Variants in DGAT2L6 observed in about 807,000 individuals in gnomAD.
The protein encoded by DGAT2L6 is diacylglycerol O-acyltransferase 2 like 6, also known as diacylglycerol O-acyltransferase 2-like protein 6.
A neutral mutation model predicts 25.5 loss-of-function variants in DGAT2L6; 22 were observed. The ratio of observed to expected loss-of-function variants is 0.86; its 90% CI spans 0.62 to 1.23. The LOEUF is 1.23. Among genes scored for constraint, DGAT2L6 ranks in the 50% most tolerant of loss-of-function variants. DGAT2L6 has a pLI of 0.00. For missense variants in DGAT2L6, 287 were observed against 253.2 expected (o/e 1.13, Z -0.91); for synonymous variants, 100 against 94.7 (o/e 1.06, Z -0.32).
At chrX:70,177,766 C>A in intron 1 of DGAT2L6, 99 bp downstream of exon 1, 1 of 731,187 alleles carries the variant, frequency 1.4e-6, no homozygotes, top group Non-Finnish European at 2.1e-6. Context: ...TCTGGGTGAT[C>A]TCCACCCTCT....
At chrX:70,197,924 G>A (rs903010063) in intron 1 of DGAT2L6, among the ~76,000 whole-genome samples, 11 of 111,790 alleles carry the variant, frequency 9.8e-5, no homozygotes, top group African/African-American at 3.6e-4. Context: ...CAACTATCTC[G>A]ACCAGTGCTT....
At chrX:70,189,088 T>C (rs1287996589) in intron 1 of DGAT2L6, among the ~76,000 whole-genome samples, 1 of 110,084 alleles carries the variant, frequency 9.1e-6, no homozygotes, top group Non-Finnish European at 1.9e-5. Flanking sequence ...TCACCACTTG[T>C]ATTCAACGGT....
Position 70,199,287 on chromosome X carries a change from C to T in DGAT2L6, c.102C>T (p.Leu34=). The T allele has an allele frequency of 8.4e-7, 1 of 1,186,570 alleles. No homozygotes were observed. Among genetic ancestry groups the T allele is most frequent in the Non-Finnish European group, 1.1e-6 (1 of 880,775 alleles). The stretch of plus-strand genomic sequence containing the variant: ...TCTCCCCAGGAGCTATTCCCATTCT[C>T]CTTATACCCTACTTTCTGTTATTCA... The part of the protein sequence containing the change: ...VYIFLGAIPI[L]LIPYFLLFSK... Residue 34 remains leucine (L), a synonymous_variant, in exon 2 of 7, where the codon CTC becomes CTT. Transcript: ENST00000333026.
chrX:70,202,119 C>T (rs1318742451), intron 5 of DGAT2L6, 55 bp downstream of exon 5: 6 of 1,047,611 alleles, frequency 5.7e-6, no homozygotes, highest in Non-Finnish European at 7.5e-6. Context: ...CCCTCTGTAG[C>T]CCTCTCCAGA....
chrX:70,199,100 C>T (rs1318142646), intron 1 of DGAT2L6, among the ~76,000 whole-genome samples, 171 bp from the exon 2 acceptor site: 1 of 111,563 alleles, frequency 9.0e-6, no homozygotes, highest in Non-Finnish European at 1.9e-5. Flanking sequence ...CCTGCCTAGA[C>T]CACAGCAGAG....
In DGAT2L6 at chrX:70,204,933, C is replaced by T. The variant is rs1362137523; in HGVS notation, c.860-19C>T. On this transcript the variant is annotated intron_variant, in intron 6 of 6. Coordinates refer to ENST00000333026, the MANE Select transcript of DGAT2L6 (RefSeq NM_198512.3). ...TTGAGGGGGGAACTCTGATGTTTGT[C>T]TCTTTTCTTTTTTCATAGTTGGGGA... is the stretch of plus-strand genomic sequence containing the variant. 8.6e-7 allele frequency: 1 copy of T among 1,162,096 alleles called. No individual in the cohort carries two copies. The highest frequency in any genetic ancestry group is 1.1e-6 in the Non-Finnish European group (1 of 874,736).
At chrX:70,202,419 G>A (rs1205361122) in intron 5 of DGAT2L6, among the ~76,000 whole-genome samples, 5 of 112,027 alleles carry the variant, frequency 4.5e-5, no homozygotes, top group African/African-American at 6.5e-5. Context: ...CTTTGATACC[G>A]TGAGGATCAA....
Position 70,177,627 on chromosome X carries a change from CT to C in DGAT2L6, c.47del (p.Phe16SerfsTer13), listed in dbSNP as rs1203833811. 5 of 1,210,856 alleles carry C rather than the reference CT, an allele frequency of 4.1e-6. No individual in the cohort carries two copies. ...TGAATCTCCAGGAGGGCCTCCAAAC[CT>C]TCTTTGTTTTGCAATGGATCCCAGT... ...RLNLQEGLQT[F>X]FVLQWIPVYI... On this transcript the variant is annotated frameshift_variant, in exon 1 of 7. Transcript: ENST00000333026. LOFTEE classifies it high-confidence loss of function.
chrX:70,196,295 T>C (rs947779501), intron 1 of DGAT2L6, among the ~76,000 whole-genome samples: 1 of 107,900 alleles, frequency 9.3e-6, no homozygotes, highest in East Asian at 2.9e-4. Flanking sequence ...CAGGGCAACA[T>C]AGCAAGACCC....
chrX:70,178,070 A>C (rs1268118253), intron 1 of DGAT2L6, among the ~76,000 whole-genome samples: 1 of 108,282 alleles, frequency 9.2e-6, no homozygotes, highest in Non-Finnish European at 1.9e-5. Flanking sequence ...CGGGAGGTGG[A>C]GCTTGCAGTG....
intron 1 of DGAT2L6, among the ~76,000 whole-genome samples, chrX:70,191,028 C>G (rs1048810367): frequency 8.9e-6 from 1 of 112,375 alleles, no homozygotes; most frequent in Non-Finnish European, 1.9e-5. Flanking sequence ...AGAAGCCCCC[C>G]CATAAACCTG....
chrX:70,205,498 G>C lies in DGAT2L6; in HGVS notation c.*392G>C, dbSNP rs963550007. ...CCATCACTACGTAGGTTTAGACTTA[G>C]AAGCTTTATTTGGAACAGGGATAGT... is the stretch of plus-strand genomic sequence containing the variant. On this transcript the variant is annotated 3_prime_UTR_variant, in exon 7 of 7. Transcript: ENST00000333026. 26 of 127,243 alleles carry C rather than the reference G, an allele frequency of 2.0e-4. No individual in the cohort carries two copies. Among genetic ancestry groups the C allele is most frequent in the Middle Eastern group, 3.2e-3 (1 of 317 alleles). The allele number at this position is 127,243 out of a possible 1,213,427, so 10.5% of individuals were successfully genotyped here. A position where few individuals can be genotyped will look rare whatever the true frequency, so the allele number is the denominator to read the frequency against.
intron 1 of DGAT2L6, among the ~76,000 whole-genome samples, chrX:70,183,694 G>C (rs1232412795): frequency 9.0e-6 from 1 of 111,274 alleles, no homozygotes; most frequent in African/African-American, 3.3e-5. Context: ...CATCCTTTTT[G>C]GGTGTGTGGG....
rs772168164 is a variant in DGAT2L6, at chrX:70,177,613, G to A, written c.31G>A (p.Glu11Lys). The A allele has an allele frequency of 1.7e-6, 2 of 1,211,065 alleles. No homozygotes were observed. The change falls in exon 1 of 7, where the codon GAG becomes AAG. Residue 11 changes from glutamate (E) to lysine (K), a missense_variant. Transcript: ENST00000333026. MAFFSRLNLQ[E>K]GLQTFFVLQW... ...TTTCTTCTCCCGACTGAATCTCCAG[G>A]AGGGCCTCCAAACCTTCTTTGTTTT...
At position 70,199,630 on chromosome X, in the gene DGAT2L6, T is replaced by G. The variant is rs371574809; in HGVS notation, c.197-182T>G. Among the ~76,000 whole-genome samples the G allele has an allele frequency of 6.3e-5, 7 of 111,510 alleles. No homozygotes were observed. The East Asian group carries it at 1.7e-3, about 27-fold the overall frequency. On this transcript the variant is annotated intron_variant, in intron 2 of 6. Coordinates refer to ENST00000333026, the MANE Select transcript of DGAT2L6 (RefSeq NM_198512.3). ...TTCCTGTCACCTTTCTGGTCGGCTC[T>G]AGAGGAGCAGGGGCTTCCTATGTCT...
intron 1 of DGAT2L6, among the ~76,000 whole-genome samples, chrX:70,178,098 T>G (rs1454809084): frequency 9.3e-6 from 1 of 107,668 alleles, no homozygotes; most frequent in African/African-American, 3.4e-5. Context: ...ATCGTGCCAC[T>G]GCACTCCAGC....
intron 1 of DGAT2L6, among the ~76,000 whole-genome samples, chrX:70,184,840 A>G (rs2085354920): frequency 2.7e-5 from 3 of 110,290 alleles, no homozygotes; most frequent in African/African-American, 9.9e-5. Flanking sequence ...CCATCACCCC[A>G]GCATCAACTC....
chrX:70,186,791 G>T (rs2085360970), intron 1 of DGAT2L6, among the ~76,000 whole-genome samples: 1 of 111,678 alleles, frequency 9.0e-6, no homozygotes, highest in African/African-American at 3.3e-5. Context: ...GTCCCTACAG[G>T]GCATGGGAAC....
In DGAT2L6 at chrX:70,204,367, C is replaced by T; in HGVS notation, c.710C>T (p.Pro237Leu). Residue 237 changes from proline to leucine, a missense_variant, in exon 6 of 7, where the codon CCT (proline) becomes CTT (leucine). Physicochemically the swap from Pro to Leu is moderately conservative, Grantham distance 98. Coordinates refer to ENST00000333026, the MANE Select transcript of DGAT2L6 (RefSeq NM_198512.3). ...ENEVFNQETF[P>L]EGTWLRLFQK... ...GAAGTTTTCAATCAGGAGACCTTCC[C>T]TGAGGGCACGTGGTTAAGGTTGTTC... The T allele has an allele frequency of 8.3e-7, 1 of 1,210,904 alleles. No homozygotes were observed.
Sources: allele counts gnomAD v4.1 joint callset (sites outside exome capture counted in the v4.1 genomes callset), GRCh38; gene constraint gnomAD v4.1.1; transcripts MANE v1.5; gene names NCBI Gene and HGNC (gene_info 2026-07-23, HGNC 2026-07-21).